Variants in KCNA2 observed in about 807,000 individuals in gnomAD.
KCNA2 encodes potassium voltage-gated channel subfamily A member 2.
A neutral mutation model predicts 33.4 loss-of-function variants in KCNA2; 11 were observed. The observed-to-expected ratio is 0.33, with a 90% confidence interval of 0.21 to 0.55. The LOEUF is 0.55. Ranked by LOEUF, KCNA2 falls within the 20% of genes least tolerant of loss-of-function variation. KCNA2 has a pLI of 0.93. For synonymous variants in KCNA2, 222 were observed against 231.3 expected (o/e 0.96, Z 0.37); for missense variants, 291 against 621.6 (o/e 0.47, Z 5.66).
upstream of KCNA2, chr1:110,606,669 C>G (rs884482): frequency 0.2 from 30,982 of 152,254 alleles, 4,707 homozygotes; most frequent in African/African-American, 0.4. Flanking sequence ...AAGCCCCCGG[C>G]GTCCAGCCGA....
intron 1 of KCNA2, among the ~76,000 whole-genome samples, chr1:110,618,725 A>G (rs1158840006): frequency 6.6e-6 from 1 of 151,172 alleles, no homozygotes; most frequent in East Asian, 1.9e-4. Flanking sequence ...CTGAACCCCC[A>G]TCCCTCTGAG....
intron 1 of KCNA2, among the ~76,000 whole-genome samples, chr1:110,619,450 C>T (rs1650176074): frequency 6.6e-6 from 1 of 152,252 alleles, no homozygotes. Flanking sequence ...AAGGAGGCCC[C>T]TCCTACACAT....
At chr1:110,607,366 C>G (rs1649698588), upstream of KCNA2, 1 of 150,940 alleles carries the variant, frequency 6.6e-6, no homozygotes, top group South Asian at 2.0e-4. Context: ...GCTCTGCAGT[C>G]CCGCGGGCGG....
chr1:110,601,680 G>A lies in KCNA2; in HGVS notation c.*1603C>T, dbSNP rs1649349924. 5 of 1,083,122 alleles carry A rather than the reference G, an allele frequency of 4.6e-6. No homozygotes were observed. Among genetic ancestry groups the A allele is most frequent in the East Asian group, 5.6e-5 (1 of 17,890 alleles). 67.1% of individuals were successfully genotyped at this position (1,083,122 alleles called of 1,614,324 possible). On this transcript the variant is annotated 3_prime_UTR_variant, in exon 3 of 3. Transcript: ENST00000316361. ...GGCAATGGCAGCAAACCCAGGCCCA[G>A]TGGGGTTACCAATGAGACAAATTAA...
rs1649356143 is a variant in KCNA2, at chr1:110,601,788, A to ACG, written c.*1494_*1495insCG. On this transcript the variant is annotated 3_prime_UTR_variant, in exon 3 of 3. Coordinates refer to ENST00000316361, the MANE Select transcript of KCNA2 (RefSeq NM_004974.4). ...AACTCCAGAAAATGAATATATATAT[A>ACG]TATATATGTGTGTGTGTGTGTGTGT... 8.5e-7 allele frequency: 1 copy of ACG among 1,176,636 alleles called. No homozygotes were observed. The highest frequency in any genetic ancestry group is 4.4e-5 in the Admixed American group (1 of 22,590). The allele number at this position is 1,176,636 out of a possible 1,614,324, so 72.9% of individuals were successfully genotyped here. A position where few individuals can be genotyped will look rare whatever the true frequency, so the allele number is the denominator to read the frequency against.
In KCNA2 at chr1:110,603,042, T is replaced by C; in HGVS notation, c.*241A>G. On this transcript the variant is annotated 3_prime_UTR_variant, in exon 3 of 3. Transcript: ENST00000316361. This position sits in a 1 kb window ranked among gnomAD's most constrained non-coding sequence, Gnocchi z 5.7. ...GCCTCAACGTGTCTATCTGAAATCC[T>C]AGCTTGATAGGTGACTCCCGTCTTT... The C allele has an allele frequency of 1.5e-6, 2 of 1,378,742 alleles. No individual in the cohort carries two copies. Among genetic ancestry groups the C allele is most frequent in the Non-Finnish European group, 1.9e-6 (2 of 1,071,208 alleles). The allele number at this position is 1,378,742 out of a possible 1,614,324, so 85.4% of individuals were successfully genotyped here. A position where few individuals can be genotyped will look rare whatever the true frequency, so the allele number is the denominator to read the frequency against.
In KCNA2 at chr1:110,602,081, G is replaced by A. The variant is rs748699229; in HGVS notation, c.*1202C>T. Reference sequence around the variant, plus strand: ...TGGTCCACTGTACAGTCATGCCCGCGACTAGGTTAATTCCTAAGGTGCAGT... The same window carrying A: ...TGGTCCACTGTACAGTCATGCCCGCAACTAGGTTAATTCCTAAGGTGCAGT... On this transcript the variant is annotated 3_prime_UTR_variant, in exon 3 of 3. Transcript: ENST00000316361. The A allele has an allele frequency of 5.8e-6, 9 of 1,550,494 alleles. No homozygotes were observed. The highest frequency in any genetic ancestry group is 1.7e-4 in the Middle Eastern group (1 of 5,990).
Position 110,593,586 on chromosome 1 carries a change from T to C in KCNA2, c.*9697A>G, listed in dbSNP as rs1325036522. 2 of 229,708 alleles carry C rather than the reference T, an allele frequency of 8.7e-6. No individual in the cohort carries two copies. Among genetic ancestry groups the C allele is most frequent in the African/African-American group, 4.5e-5 (2 of 44,182 alleles). The allele number at this position is 229,708 out of a possible 1,614,324, so 14.2% of individuals were successfully genotyped here. A position where few individuals can be genotyped will look rare whatever the true frequency, so the allele number is the denominator to read the frequency against. On this transcript the variant is annotated 3_prime_UTR_variant, in exon 3 of 3. Transcript: ENST00000316361. ...AACAAGTGAAAACCATCAGTGTCTG[T>C]CAAAAATTTTATTTTTTTCATATCA...
Position 110,601,122 on chromosome 1 carries a change from GT to G in KCNA2, c.*2160del. ...ATTTGCACTCTACTTCTTCTGGGGG[GT>G]GGGAAATGATTCTTTACCCATCCTT... On this transcript the variant is annotated 3_prime_UTR_variant, in exon 3 of 3. Transcript: ENST00000316361. 12 of 985,438 alleles carry G rather than the reference GT, an allele frequency of 1.2e-5. No individual in the cohort carries two copies. The highest frequency in any genetic ancestry group is 1.3e-5 in the Non-Finnish European group (11 of 829,936). 61.0% of individuals were successfully genotyped at this position (985,438 alleles called of 1,614,324 possible). A position where few individuals can be genotyped will look rare whatever the true frequency, so the allele number is the denominator to read the frequency against.
At position 110,604,343 on chromosome 1, in the gene KCNA2, C is replaced by T. The variant is rs1406503449; in HGVS notation, c.440G>A (p.Arg147Lys). 1.9e-6 allele frequency: 3 copies of T among 1,613,808 alleles called. No individual in the cohort carries two copies. The highest frequency in any genetic ancestry group is 2.2e-5 in the East Asian group (1 of 44,856). Residue 147 changes from arginine to lysine, a missense_variant, in exon 3 of 3, where the codon AGA (arginine) becomes AAA (lysine). By Grantham distance (26) the Arg-to-Lys change is conservative. Around this residue, in one of 5 missense-constraint regions of KCNA2, gnomAD observed 163 missense variants for 273.5 expected, o/e 0.60. Transcript: ENST00000316361. The surrounding 1 kb of genome is among the most constrained non-coding windows in gnomAD (Gnocchi z 7.6). ...GTATTCAAAGAGAAGCCACACTTGT[C>T]TCTGAAACTCATTTTCAGGCAGAGG... The part of the protein sequence containing the change: ...ERPLPENEFQ[R>K]QVWLLFEYPE...
chr1:110,596,619 G>T lies in KCNA2; in HGVS notation c.*6664C>A. 2 of 503,736 alleles carry T rather than the reference G, an allele frequency of 4.0e-6. No individual in the cohort carries two copies. The highest frequency in any genetic ancestry group is 5.1e-6 in the Non-Finnish European group (2 of 390,066). The allele number at this position is 503,736 out of a possible 1,614,324, so 31.2% of individuals were successfully genotyped here. ...CATTGAGGTTTACAATGTTGACCCT[G>T]AGCAAGGCAAGGTCCCTGTTATCTT... On this transcript the variant is annotated 3_prime_UTR_variant, in exon 3 of 3. Transcript: ENST00000316361.
upstream of KCNA2, chr1:110,608,083 CAG>C (rs1649741726): frequency 6.6e-6 from 1 of 152,416 alleles, no homozygotes; most frequent in Non-Finnish European, 1.5e-5. Flanking sequence ...TGGGAATGGT[CAG>C]CTACTCACAA....
In KCNA2 at chr1:110,598,683, C is replaced by G; in HGVS notation, c.*4600G>C. 3 of 985,306 alleles carry G rather than the reference C, an allele frequency of 3.0e-6. No homozygotes were observed. Among genetic ancestry groups the G allele is most frequent in the Non-Finnish European group, 3.6e-6 (3 of 829,918 alleles). The allele number at this position is 985,306 out of a possible 1,614,324, so 61.0% of individuals were successfully genotyped here. A position where few individuals can be genotyped will look rare whatever the true frequency, so the allele number is the denominator to read the frequency against. ...CTAGAGGCACACTCCCGTGGGGCCC[C>G]TTTTAAAAGGCTAACCTCATGGTGA... On this transcript the variant is annotated 3_prime_UTR_variant, in exon 3 of 3. Coordinates refer to ENST00000316361, the MANE Select transcript of KCNA2 (RefSeq NM_004974.4).
chr1:110,596,205 G>C lies in KCNA2; in HGVS notation c.*7078C>G. On this transcript the variant is annotated 3_prime_UTR_variant, in exon 3 of 3. Coordinates refer to ENST00000316361, the MANE Select transcript of KCNA2 (RefSeq NM_004974.4). Reference sequence around the variant, plus strand: ...GAGAGGTGAAAAGAATGCAAAGGAGGTCATTCAAAAAATGCACATAAATGC... The same window carrying C: ...GAGAGGTGAAAAGAATGCAAAGGAGCTCATTCAAAAAATGCACATAAATGC... 1 of 984,962 alleles carries C rather than the reference G, an allele frequency of 1.0e-6. No homozygotes were observed. The highest frequency in any genetic ancestry group is 1.2e-6 in the Non-Finnish European group (1 of 829,666). The allele number at this position is 984,962 out of a possible 1,614,324, so 61.0% of individuals were successfully genotyped here.
At position 110,601,067 on chromosome 1, in the gene KCNA2, T is replaced by C. The variant is rs763778181; in HGVS notation, c.*2216A>G. ...ACCTGAAGCCATTTCAGGGTCAACCTACTGTCTACCTTTAGGCTGTGCAGT... is the reference window on the plus strand; with the variant it reads ...ACCTGAAGCCATTTCAGGGTCAACCCACTGTCTACCTTTAGGCTGTGCAGT... On this transcript the variant is annotated 3_prime_UTR_variant, in exon 3 of 3. Transcript: ENST00000316361. 9.1e-6 allele frequency: 9 copies of C among 985,462 alleles called. No homozygotes were observed. Among genetic ancestry groups the C allele is most frequent in the Non-Finnish European group, 1.1e-5 (9 of 829,936 alleles). The allele number at this position is 985,462 out of a possible 1,614,324, so 61.0% of individuals were successfully genotyped here.
chr1:110,605,219 C>A (rs1356318622), intron 2 of KCNA2, among the ~76,000 whole-genome samples, 172 bp downstream of exon 2: 1 of 152,136 alleles, frequency 6.6e-6, no homozygotes, highest in African/African-American at 2.4e-5. Context: ...TGGAGCATAA[C>A]CCCATGCTAA....
chr1:110,617,201 G>T (rs1385390010), intron 1 of KCNA2, among the ~76,000 whole-genome samples: 3 of 152,190 alleles, frequency 2.0e-5, no homozygotes, highest in African/African-American at 7.2e-5. Context: ...CCAGTGCCTG[G>T]AGCACACTGG....
In KCNA2 at chr1:110,604,843, C is replaced by G; in HGVS notation, c.-61G>C. The stretch of plus-strand genomic sequence containing the variant: ...TTCAGCTGCCTGGTGGCAGGGAGCT[C>G]AGGGTGCTGCTACTGGCCCCAGGAA... On this transcript the variant is annotated 5_prime_UTR_variant, in exon 3 of 3. An upstream open reading frame in the 5' UTR loses its in-frame stop. Coordinates refer to ENST00000316361, the MANE Select transcript of KCNA2 (RefSeq NM_004974.4). This position sits in a 1 kb window ranked among gnomAD's most constrained non-coding sequence, Gnocchi z 7.6. 6.7e-7 allele frequency: 1 copy of G among 1,483,784 alleles called. No individual in the cohort carries two copies. The highest frequency in any genetic ancestry group is 9.2e-7 in the Non-Finnish European group (1 of 1,090,330). 91.9% of individuals were successfully genotyped at this position (1,483,784 alleles called of 1,614,324 possible).
In KCNA2 at chr1:110,595,188, T is replaced by C. The variant is rs1649044478; in HGVS notation, c.*8095A>G. The C allele has an allele frequency of 1.0e-6, 1 of 985,400 alleles. No individual in the cohort carries two copies. Among genetic ancestry groups the C allele is most frequent in the Non-Finnish European group, 1.2e-6 (1 of 829,938 alleles). 61.0% of individuals were successfully genotyped at this position (985,400 alleles called of 1,614,324 possible). A position where few individuals can be genotyped will look rare whatever the true frequency, so the allele number is the denominator to read the frequency against. On this transcript the variant is annotated 3_prime_UTR_variant, in exon 3 of 3. Transcript: ENST00000316361. Reference sequence around the variant, plus strand: ...TAGATGTTGCAGTAGCTGTCCACATTATTACATAATCATGCCCTGTGCATC... The same window carrying C: ...TAGATGTTGCAGTAGCTGTCCACATCATTACATAATCATGCCCTGTGCATC...
Sources: allele counts gnomAD v4.1 joint callset (sites outside exome capture counted in the v4.1 genomes callset), GRCh38; gene constraint gnomAD v4.1.1; regional missense constraint gnomAD v4.1.1; non-coding constraint Gnocchi (gnomAD v3.1); transcripts MANE v1.5; gene names NCBI Gene and HGNC (gene_info 2026-07-23, HGNC 2026-07-21).